CHIC1: variants seen among roughly 807,000 people sequenced by gnomAD.
CHIC1 encodes cysteine-rich hydrophobic domain-containing protein 1.
In CHIC1, 7 loss-of-function variants were observed where a neutral mutation model predicts 18.5. That is an observed-to-expected ratio of 0.38 (90% CI 0.22 to 0.71). The LOEUF is 0.71. Ranked by LOEUF, CHIC1 falls within the 30% of genes least tolerant of loss-of-function variation. The pLI is 0.49. For synonymous variants in CHIC1, 77 were observed against 73.5 expected, an observed-to-expected ratio of 1.05 and a Z score of -0.25; for missense variants, 159 against 176.9, an observed-to-expected ratio of 0.90 and a Z score of 0.57.
chrX:73,644,893 C>T (rs1047738323), intron 3 of CHIC1, among the ~76,000 whole-genome samples: 6 of 111,926 alleles, frequency 5.4e-5, no homozygotes, highest in African/African-American at 1.6e-4. Flanking sequence ...TGACTAGGAA[C>T]GGGTACTCCC....
chrX:73,645,282 G>A (rs2057883611), intron 3 of CHIC1, among the ~76,000 whole-genome samples: 1 of 111,937 alleles, frequency 8.9e-6, no homozygotes, highest in African/African-American at 3.2e-5. Context: ...TCATGTATAT[G>A]TGCTACATTT....
intron 3 of CHIC1, among the ~76,000 whole-genome samples, chrX:73,673,610 T>G (rs7052494): frequency 9.0e-6 from 1 of 111,630 alleles, no homozygotes; most frequent in African/African-American, 3.3e-5. Context: ...TATCCTGAGA[T>G]TTTGCTGAAG....
chrX:73,645,169 T>C (rs960785056), intron 3 of CHIC1, among the ~76,000 whole-genome samples: 1 of 112,724 alleles, frequency 8.9e-6, no homozygotes, highest in Non-Finnish European at 1.9e-5. Context: ...TCACACAGTA[T>C]CTATCTGTGC....
At chrX:73,628,469 G>T (rs768909233) in intron 3 of CHIC1, among the ~76,000 whole-genome samples, 48 of 111,853 alleles carry the variant, frequency 4.3e-4, no homozygotes, top group Non-Finnish European at 7.3e-4. Context: ...CCGAATACTG[G>T]AATCTGCGAT....
intron 3 of CHIC1, among the ~76,000 whole-genome samples, chrX:73,657,005 A>G (rs1218294376): frequency 1.8e-5 from 2 of 108,858 alleles, no homozygotes; most frequent in African/African-American, 6.7e-5. Context: ...CTCCTTGAAG[A>G]GGTCCTTTAC....
At chrX:73,627,964 T>A (rs1048477909) in intron 3 of CHIC1, among the ~76,000 whole-genome samples, 1 of 111,862 alleles carries the variant, frequency 8.9e-6, no homozygotes, top group Non-Finnish European at 1.9e-5. Flanking sequence ...ACCTGGGTAT[T>A]GCTGCTGGTT....
intron 3 of CHIC1, among the ~76,000 whole-genome samples, chrX:73,660,191 G>A (rs905838120): frequency 1.8e-5 from 2 of 112,415 alleles, no homozygotes; most frequent in African/African-American, 6.5e-5. Flanking sequence ...TTACCATGAT[G>A]TAGCCATAAT....
At chrX:73,665,500 A>G (rs1409448586) in intron 3 of CHIC1, among the ~76,000 whole-genome samples, 1 of 111,489 alleles carries the variant, frequency 9.0e-6, no homozygotes, top group East Asian at 2.8e-4. Flanking sequence ...CCGAGGCTCC[A>G]CTAGCTTTAA....
chrX:73,649,411 TAA>T (rs1355388657), intron 3 of CHIC1, among the ~76,000 whole-genome samples: 1 of 111,521 alleles, frequency 9.0e-6, no homozygotes, highest in Non-Finnish European at 1.9e-5. Flanking sequence ...GCACATTGGA[TAA>T]AGAGTCAAGA....
intron 3 of CHIC1, among the ~76,000 whole-genome samples, chrX:73,644,920 C>T (rs1204698155): frequency 3.6e-5 from 4 of 112,364 alleles, no homozygotes; most frequent in Admixed American, 1.9e-4. Context: ...CTTGCACTTC[C>T]GGAGTGAGGC....
At chrX:73,674,013 G>T (rs1485953951) in intron 3 of CHIC1, among the ~76,000 whole-genome samples, 1 of 111,962 alleles carries the variant, frequency 8.9e-6, no homozygotes, top group Non-Finnish European at 1.9e-5. Flanking sequence ...TAATCATGTA[G>T]TTTTTGTCTT....
intron 3 of CHIC1, among the ~76,000 whole-genome samples, chrX:73,613,040 A>G (rs2057716183): frequency 8.9e-6 from 1 of 111,925 alleles, no homozygotes; most frequent in African/African-American, 3.3e-5. Flanking sequence ...TCCTTAGGCT[A>G]AACTGATCAC....
At chrX:73,586,432 T>C (rs914879812) in intron 3 of CHIC1, among the ~76,000 whole-genome samples, 2 of 111,853 alleles carry the variant, frequency 1.8e-5, no homozygotes, top group Non-Finnish European at 3.8e-5. Flanking sequence ...AGGACACTAC[T>C]AGTTACTTTT....
At chrX:73,595,398 C>G (rs183075074) in intron 3 of CHIC1, among the ~76,000 whole-genome samples, 47 of 110,944 alleles carry the variant, frequency 4.2e-4, no homozygotes, top group African/African-American at 1.4e-3. Flanking sequence ...TGTTCAACTC[C>G]CACTTATAAG....
chrX:73,644,677 T>G (rs185646150), intron 3 of CHIC1, among the ~76,000 whole-genome samples: 118 of 112,735 alleles, frequency 1.0e-3, no homozygotes, highest in Non-Finnish European at 1.6e-3. Context: ...CGTAGGACCC[T>G]CCAAGCCAGG....
At chrX:73,630,889 A>T (rs1344772106) in intron 3 of CHIC1, among the ~76,000 whole-genome samples, 2 of 111,656 alleles carry the variant, frequency 1.8e-5, no homozygotes, top group African/African-American at 6.5e-5. Context: ...TTGTTGGAAG[A>T]TATTTGAGTA....
intron 3 of CHIC1, among the ~76,000 whole-genome samples, chrX:73,656,772 C>T (rs2057951431): frequency 8.9e-6 from 1 of 111,890 alleles, no homozygotes; most frequent in African/African-American, 3.3e-5. Flanking sequence ...TTAGGATAGC[C>T]TTGGCCATTC....
At chrX:73,655,294 GTGTA>G (rs1181646817) in intron 3 of CHIC1, among the ~76,000 whole-genome samples, 1 of 104,599 alleles carries the variant, frequency 9.6e-6, no homozygotes, top group African/African-American at 3.5e-5. Flanking sequence ...GTGTGTGTGT[GTGTA>G]TGTGTGTATG....
rs1328967566 is a variant in CHIC1, at chrX:73,683,067, G to T, written c.*2062G>T. ...TATGATGGTCATAGGAACTTTTTCT[G>T]CCATGTATAAATCACACTTGGTTTT... On this transcript the variant is annotated 3_prime_UTR_variant, in exon 6 of 6. Transcript: ENST00000373502. 1 of 110,640 alleles carries T rather than the reference G, an allele frequency of 9.0e-6. No homozygotes were observed. Among genetic ancestry groups the T allele is most frequent in the Non-Finnish European group, 1.9e-5 (1 of 52,620 alleles). 9.1% of individuals were successfully genotyped at this position (110,640 alleles called of 1,213,427 possible). A position where few individuals can be genotyped will look rare whatever the true frequency, so the allele number is the denominator to read the frequency against.
Sources: gnomAD v4.1 joint callset for allele counts (sites outside exome capture counted in the v4.1 genomes callset) on GRCh38, gnomAD v4.1.1 for gene constraint, MANE v1.5 for transcripts, NCBI Gene and HGNC (gene_info 2026-07-23, HGNC 2026-07-21) for gene names.